The following CSMD3 variants were observed in gnomAD, a reference collection of about 807,000 sequenced individuals.
The protein encoded by CSMD3 is CUB and sushi domain-containing protein 3.
CSMD3 carries 177 observed loss-of-function variants against 435.2 expected under a neutral mutation model. That is an observed-to-expected ratio of 0.41 (90% CI 0.36 to 0.46). The LOEUF is 0.46. Among genes scored for constraint, CSMD3 ranks in the 20% least tolerant of loss-of-function variants. The probability of loss-of-function intolerance (pLI) is 0.34; values close to 1 mark genes in which losing one functional copy is unlikely to be tolerated. For synonymous variants in CSMD3, 1,656 were observed against 1,520.5 expected, an observed-to-expected ratio of 1.09 and a Z score of -2.07; for missense variants, 4,265 against 4,504.6, an observed-to-expected ratio of 0.95 and a Z score of 1.52.
At chr8:113,364,229 A>C (rs1355963742) in intron 1 of CSMD3, among the ~76,000 whole-genome samples, 1 of 150,516 alleles carries the variant, frequency 6.6e-6, no homozygotes, top group African/African-American at 2.5e-5. Flanking sequence ...CAATCTCCTA[A>C]AGGAATTAGA....
At chr8:112,874,682 T>C (rs1587541916) in intron 10 of CSMD3, among the ~76,000 whole-genome samples, 2 of 152,202 alleles carry the variant, frequency 1.3e-5, no homozygotes, top group Non-Finnish European at 2.9e-5. Context: ...TTTTGATCTT[T>C]GTTGGTTTAA....
chr8:113,406,237 G>A (rs1213167093), intron 1 of CSMD3, among the ~76,000 whole-genome samples: 1 of 151,820 alleles, frequency 6.6e-6, no homozygotes, highest in Non-Finnish European at 1.5e-5. Context: ...GATACTTAAT[G>A]ATAAAATGTG....
chr8:113,320,741 T>C (rs777371456), intron 1 of CSMD3, among the ~76,000 whole-genome samples: 6 of 152,136 alleles, frequency 3.9e-5, no homozygotes, highest in Non-Finnish European at 7.4e-5. Flanking sequence ...TCTAATCTCA[T>C]GAACTTCTCC....
intron 12 of CSMD3, among the ~76,000 whole-genome samples, chr8:112,822,925 A>G (rs1282941290): frequency 6.6e-6 from 1 of 151,992 alleles, no homozygotes; most frequent in Non-Finnish European, 1.5e-5. Flanking sequence ...CTCTTTTGTG[A>G]TGGATTACAC....
intron 13 of CSMD3, among the ~76,000 whole-genome samples, chr8:112,796,227 G>T (rs541010972): frequency 3.2e-4 from 48 of 152,164 alleles, no homozygotes; most frequent in Non-Finnish European, 5.0e-4. Context: ...TAAACTCAGA[G>T]TTGCAACTAT....
At chr8:112,402,299 C>A (rs552598769) in intron 35 of CSMD3, among the ~76,000 whole-genome samples, 126 of 152,288 alleles carry the variant, frequency 8.3e-4, no homozygotes, top group Non-Finnish European at 1.4e-3. Context: ...GTACAATTCC[C>A]AGCTCTGATG....
intron 3 of CSMD3, among the ~76,000 whole-genome samples, chr8:113,230,403 T>C (rs2093072159): frequency 6.6e-6 from 1 of 151,646 alleles, no homozygotes; most frequent in Non-Finnish European, 1.5e-5. Context: ...TAATTAAATA[T>C]TCTTGTATAA....
At chr8:112,601,271 C>A (rs1832329383) in intron 22 of CSMD3, among the ~76,000 whole-genome samples, 1 of 151,978 alleles carries the variant, frequency 6.6e-6, no homozygotes, top group African/African-American at 2.4e-5. Flanking sequence ...TATTCTAATT[C>A]TTTAAATGCA....
In CSMD3 at chr8:112,245,272, G is replaced by A. The variant is rs535516465; in HGVS notation, c.10223-699C>T. On this transcript the variant is annotated intron_variant, in intron 64 of 70. Transcript: ENST00000297405. ...CACCATATCTTCCCCTTATTTCATCGGTTTTATGTCTTATAAAGACCATTC... is the reference window on the plus strand; with the variant it reads ...CACCATATCTTCCCCTTATTTCATCAGTTTTATGTCTTATAAAGACCATTC... Among the ~76,000 whole-genome samples, 20 of 151,480 alleles carry A rather than the reference G, an allele frequency of 1.3e-4. 1 individual carries two copies. Among genetic ancestry groups the A allele is most frequent in the Non-Finnish European group, 2.4e-4 (16 of 67,900 alleles).
At chr8:112,553,191 C>T (rs181406850) in intron 25 of CSMD3, among the ~76,000 whole-genome samples, 1 of 152,152 alleles carries the variant, frequency 6.6e-6, no homozygotes, top group African/African-American at 2.4e-5. Context: ...TCATTTTAAA[C>T]CCTTTCCCTT....
intron 3 of CSMD3, among the ~76,000 whole-genome samples, chr8:113,218,285 G>C (rs540450474): frequency 6.6e-6 from 1 of 150,580 alleles, no homozygotes; most frequent in Non-Finnish European, 1.5e-5. Context: ...AAGGAATTAA[G>C]GACAATAGAA....
chr8:112,619,062 G>C (rs1380481022), intron 22 of CSMD3, among the ~76,000 whole-genome samples: 1 of 152,004 alleles, frequency 6.6e-6, no homozygotes, highest in African/African-American at 2.4e-5. Context: ...ACTGTTATGA[G>C]GATGACATAT....
At chr8:112,678,977 G>T (rs1202843512) in intron 16 of CSMD3, among the ~76,000 whole-genome samples, 1 of 151,308 alleles carries the variant, frequency 6.6e-6, no homozygotes, top group Non-Finnish European at 1.5e-5. Flanking sequence ...TAAAAATATA[G>T]ACTGTCTACA....
At chr8:112,766,412 GTCTT>G (rs886363298) in intron 13 of CSMD3, among the ~76,000 whole-genome samples, 8 of 151,430 alleles carry the variant, frequency 5.3e-5, no homozygotes, top group African/African-American at 1.2e-4. Flanking sequence ...AATTTGCTGT[GTCTT>G]TCTTTATTTT....
At chr8:113,115,811 T>C (rs898402424) in intron 4 of CSMD3, among the ~76,000 whole-genome samples, 3 of 152,202 alleles carry the variant, frequency 2.0e-5, no homozygotes, top group East Asian at 3.9e-4. Context: ...AAAATTAATA[T>C]GTTTAAATCT....
At chr8:113,353,193 A>T (rs1377718144) in intron 1 of CSMD3, among the ~76,000 whole-genome samples, 1 of 152,190 alleles carries the variant, frequency 6.6e-6, no homozygotes, top group African/African-American at 2.4e-5. Context: ...TCTGCAATAA[A>T]ATACTAAAGG....
intron 27 of CSMD3, among the ~76,000 whole-genome samples, chr8:112,549,122 G>A (rs1021769284): frequency 3.3e-5 from 5 of 151,900 alleles, no homozygotes; most frequent in Admixed American, 2.0e-4. Flanking sequence ...ATATTTAATT[G>A]CAATAACAAT....
At chr8:113,397,537 T>TG (rs1255144684) in intron 1 of CSMD3, among the ~76,000 whole-genome samples, 1 of 151,984 alleles carries the variant, frequency 6.6e-6, no homozygotes, top group East Asian at 1.9e-4. Flanking sequence ...ACAAAGACTG[T>TG]GGGCCGGGCG....
rs1235809345 is a variant in CSMD3 at position 113,143,736 on chromosome 8, T to G, written c.709+29986A>C. 2.6e-5 allele frequency among the ~76,000 whole-genome samples: 4 copies of G among 151,498 alleles called. No individual in the cohort carries two copies. In the Admixed American group the frequency reaches 2.6e-4, roughly 10 times the overall value. ...TACTTTGTTTCCATTTATACAACGTTCTTAAAATGACAAAATTCTAGAACT... is the reference window on the plus strand; with the variant it reads ...TACTTTGTTTCCATTTATACAACGTGCTTAAAATGACAAAATTCTAGAACT... On this transcript the variant is annotated intron_variant, in intron 4 of 70. Coordinates refer to ENST00000297405, the MANE Select transcript of CSMD3 (RefSeq NM_198123.2).
Sources: allele counts gnomAD v4.1 joint callset (sites outside exome capture counted in the v4.1 genomes callset), GRCh38; gene constraint gnomAD v4.1.1; transcripts MANE v1.5; gene names NCBI Gene and HGNC (gene_info 2026-07-23, HGNC 2026-07-21).